Variants in ARHGEF3 observed in about 807,000 individuals in gnomAD.
ARHGEF3 encodes 59.8 kDA protein.
A neutral mutation model predicts 63.2 loss-of-function variants in ARHGEF3; 28 were observed. The ratio of observed to expected loss-of-function variants is 0.44; its 90% CI spans 0.33 to 0.61. The LOEUF (loss-of-function observed/expected upper bound fraction) is 0.61. Among genes scored for constraint, ARHGEF3 ranks in the 20% least tolerant of loss-of-function variants. ARHGEF3 has a pLI of 0.03. For missense variants in ARHGEF3, 533 were observed against 659.3 expected (o/e 0.81, Z 2.10); for synonymous variants, 266 against 254.2 (o/e 1.05, Z -0.44).
At chr3:56,858,676 T>C (rs966217601) in intron 4 of ARHGEF3, among the ~76,000 whole-genome samples, 3 of 152,174 alleles carry the variant, frequency 2.0e-5, no homozygotes, top group African/African-American at 7.2e-5. Flanking sequence ...GGAGGTGACA[T>C]TGAAAGCTGA....
chr3:57,015,573 G>A (rs2107133982), intron 2 of ARHGEF3, among the ~76,000 whole-genome samples: 1 of 150,642 alleles, frequency 6.6e-6, no homozygotes, highest in Admixed American at 6.6e-5. Context: ...AGGTAGGACT[G>A]CAGGCGGACA....
At chr3:56,738,126 C>A (rs1182877418) in intron 7 of ARHGEF3, among the ~76,000 whole-genome samples, 7 of 152,200 alleles carry the variant, frequency 4.6e-5, no homozygotes, top group Non-Finnish European at 1.0e-4. Context: ...TCACTGCAAC[C>A]TCCACCTCCT....
At chr3:56,946,622 G>A (rs142101700) in intron 3 of ARHGEF3, among the ~76,000 whole-genome samples, 1 of 152,180 alleles carries the variant, frequency 6.6e-6, no homozygotes, top group Non-Finnish European at 1.5e-5. Flanking sequence ...AAATATGGGA[G>A]TATGTGAAAA....
At chr3:56,948,774 T>C (rs1189512027) in intron 3 of ARHGEF3, among the ~76,000 whole-genome samples, 2 of 152,162 alleles carry the variant, frequency 1.3e-5, no homozygotes, top group Non-Finnish European at 2.9e-5. Flanking sequence ...CCCTAACTCA[T>C]TTTATGAGGC....
At chr3:56,939,968 A>C (rs903264632) in intron 3 of ARHGEF3, 1 of 152,166 alleles carries the variant, frequency 6.6e-6, no homozygotes, top group Admixed American at 6.5e-5. Flanking sequence ...GCCACTGCTG[A>C]TTGGTCCAAG....
At chr3:56,874,925 C>T (rs2040537565) in intron 4 of ARHGEF3, among the ~76,000 whole-genome samples, 2 of 152,158 alleles carry the variant, frequency 1.3e-5, no homozygotes, top group Non-Finnish European at 2.9e-5. Flanking sequence ...GACCGTACCA[C>T]TGTGAGAATT....
At chr3:57,062,999 A>G (rs1466451146) in intron 1 of ARHGEF3, among the ~76,000 whole-genome samples, 1 of 152,228 alleles carries the variant, frequency 6.6e-6, no homozygotes, top group Non-Finnish European at 1.5e-5. Flanking sequence ...ATATTGGATA[A>G]CGATAGTGTA....
chr3:56,897,816 C>T (rs1212660327), intron 3 of ARHGEF3, among the ~76,000 whole-genome samples: 2 of 152,128 alleles, frequency 1.3e-5, no homozygotes, highest in Non-Finnish European at 2.9e-5. Context: ...CTGCCCACCT[C>T]GACCTCCCAA....
chr3:56,729,001 C>G lies in ARHGEF3; in HGVS notation c.*269G>C. ...TCTATTTTTTTAAAATCCAGCAGGA[C>G]AACTGAAAGTAACTTGTTTGAGTAC... On this transcript the variant is annotated 3_prime_UTR_variant, in exon 10 of 10. Coordinates refer to ENST00000296315, the MANE Select transcript of ARHGEF3 (RefSeq NM_019555.3). 1 of 358,506 alleles carries G rather than the reference C, an allele frequency of 2.8e-6. No individual in the cohort carries two copies. The highest frequency in any genetic ancestry group is 5.0e-6 in the Non-Finnish European group (1 of 199,566). 22.2% of individuals were successfully genotyped at this position (358,506 alleles called of 1,614,324 possible). A position where few individuals can be genotyped will look rare whatever the true frequency, so the allele number is the denominator to read the frequency against.
chr3:56,794,175 T>C (rs969972110), intron 1 of ARHGEF3, among the ~76,000 whole-genome samples: 3 of 151,998 alleles, frequency 2.0e-5, no homozygotes, highest in Non-Finnish European at 4.4e-5. Flanking sequence ...TTCAAATACT[T>C]ACAGGGATAA....
intron 3 of ARHGEF3, among the ~76,000 whole-genome samples, chr3:56,909,648 A>C (rs568763696): frequency 4.2e-4 from 64 of 152,354 alleles, no homozygotes; most frequent in African/African-American, 1.4e-3. Context: ...GTACATCACC[A>C]TTCATCACAT....
intron 4 of ARHGEF3, among the ~76,000 whole-genome samples, chr3:56,832,466 T>G (rs1441745103): frequency 2.0e-5 from 3 of 152,138 alleles, no homozygotes; most frequent in African/African-American, 7.2e-5. Flanking sequence ...ATTACCAGCA[T>G]AGCTAACATC....
chr3:56,921,909 C>T (rs557318484), intron 3 of ARHGEF3, among the ~76,000 whole-genome samples: 4 of 152,324 alleles, frequency 2.6e-5, no homozygotes, highest in Non-Finnish European at 4.4e-5. Context: ...GAAGTCTCAA[C>T]GATTGCTAGT....
At chr3:56,857,872 T>G (rs763018883) in intron 4 of ARHGEF3, among the ~76,000 whole-genome samples, 12 of 152,162 alleles carry the variant, frequency 7.9e-5, no homozygotes, top group Non-Finnish European at 1.2e-4. Context: ...CAGTTATGCT[T>G]TAGCCTTTGC....
chr3:56,755,558 TCTC>T (rs2035021489), intron 2 of ARHGEF3, among the ~76,000 whole-genome samples: 1 of 152,220 alleles, frequency 6.6e-6, no homozygotes, highest in Non-Finnish European at 1.5e-5. Context: ...GTACTCCTAC[TCTC>T]CTCCTTCTAT....
intron 2 of ARHGEF3, among the ~76,000 whole-genome samples, chr3:56,989,187 T>C (rs989545879): frequency 7.9e-5 from 12 of 152,248 alleles, no homozygotes; most frequent in African/African-American, 2.9e-4. Context: ...TATTTAGTTC[T>C]TTTTTAAAAT....
At chr3:56,923,662 G>A (rs1024435843) in intron 3 of ARHGEF3, among the ~76,000 whole-genome samples, 14 of 152,020 alleles carry the variant, frequency 9.2e-5, no homozygotes, top group Non-Finnish European at 1.9e-4. Flanking sequence ...AGACTTTTAT[G>A]AAAATACCCC....
chr3:57,067,158 A>G (rs914509878), intron 1 of ARHGEF3, among the ~76,000 whole-genome samples: 23 of 152,222 alleles, frequency 1.5e-4, no homozygotes, highest in African/African-American at 4.3e-4. Context: ...CCCAGAAAGA[A>G]TAACATTTGT....
chr3:57,077,629 G>T (rs1263641734), intron 1 of ARHGEF3, among the ~76,000 whole-genome samples: 2 of 152,104 alleles, frequency 1.3e-5, no homozygotes, highest in Non-Finnish European at 2.9e-5. Context: ...TCAGGTCCCT[G>T]GACCCTTAAA....
Sources: gnomAD v4.1 joint callset for allele counts (sites outside exome capture counted in the v4.1 genomes callset) on GRCh38, gnomAD v4.1.1 for gene constraint, MANE v1.5 for transcripts, NCBI Gene and HGNC (gene_info 2026-07-23, HGNC 2026-07-21) for gene names.